PHF21A: variants seen among roughly 807,000 people sequenced by gnomAD.
The protein encoded by PHF21A is PHD finger protein 21A.
PHF21A carries 11 observed loss-of-function variants against 82.5 expected under a neutral mutation model. That is an observed-to-expected ratio of 0.13 (90% confidence interval 0.08 to 0.22). PHF21A has a LOEUF of 0.22. Among genes scored for constraint, PHF21A ranks in the 10% least tolerant of loss-of-function variants. The pLI is 1.00. For synonymous variants in PHF21A, 297 were observed against 302.8 expected (o/e 0.98, Z 0.20); for missense variants, 579 against 837.8 (o/e 0.69, Z 3.81).
intron 7 of PHF21A, among the ~76,000 whole-genome samples, chr11:45,976,261 C>G (rs867263041): frequency 1.3e-5 from 2 of 152,182 alleles, no homozygotes; most frequent in Admixed American, 1.3e-4. Context: ...CAGGGCCCTG[C>G]TCAGATGCAA....
intron 6 of PHF21A, among the ~76,000 whole-genome samples, chr11:46,015,714 T>C (rs1340618864): frequency 6.6e-6 from 1 of 152,196 alleles, no homozygotes; most frequent in Non-Finnish European, 1.5e-5. Context: ...ACACACACAT[T>C]AGCCTAGGCC....
At position 46,093,358 on chromosome 11, in the gene PHF21A, CA is replaced by C. The variant is rs567029604; in HGVS notation, c.-236-1136del. ...TATTTCAAAAGAGCTTCATGTCTCC[CA>C]GATTGTAAATCTTTGTTTAACCATG... On this transcript the variant is annotated intron_variant, in intron 1 of 18. Coordinates refer to ENST00000676320, the MANE Select transcript of PHF21A (RefSeq NM_001352027.3). Among the ~76,000 whole-genome samples, 469 of 152,282 alleles carry C rather than the reference CA, an allele frequency of 3.1e-3. 4 individuals carry two copies. Among genetic ancestry groups the C allele is most frequent in the Non-Finnish European group, 4.8e-3 (325 of 68,020 alleles).
chr11:45,938,252 C>T lies in PHF21A; in HGVS notation c.1513G>A (p.Asp505Asn), dbSNP rs1259186557. 6.2e-7 allele frequency: 1 copy of T among 1,611,486 alleles called. No homozygotes were observed. Among genetic ancestry groups the T allele is most frequent in the Non-Finnish European group, 8.5e-7 (1 of 1,178,720 alleles). The change falls in exon 16 of 19, where the codon GAC becomes AAC. Residue 505 changes from aspartate to asparagine, a missense_variant. Asp to Asn is a conservative substitution (Grantham distance 23). This residue lies in a region of PHF21A where 410 missense variants were observed against 642.1 expected (regional missense o/e 0.64). Transcript: ENST00000676320. Reference sequence around the variant, plus strand: ...AAATGATATACACGGGAACATGTGTCGCACATCAGTAACTGGCCACTTTTT... The same window carrying T: ...AAATGATATACACGGGAACATGTGTTGCACATCAGTAACTGGCCACTTTTT... ...CRKSGQLLMCDTCSRVYHLDC... is the reference protein window; with the variant it reads ...CRKSGQLLMCNTCSRVYHLDC...
chr11:46,012,346 T>C (rs1048982877), intron 6 of PHF21A, among the ~76,000 whole-genome samples: 1 of 152,216 alleles, frequency 6.6e-6, no homozygotes, highest in African/African-American at 2.4e-5. Context: ...AGCTCCTTCT[T>C]AGACCCTTTT....
intron 3 of PHF21A, among the ~76,000 whole-genome samples, chr11:46,085,007 A>G (rs1443242937): frequency 6.6e-6 from 1 of 151,556 alleles, no homozygotes; most frequent in East Asian, 1.9e-4. Flanking sequence ...AACTTCACAC[A>G]GAGTGGACTG....
Position 46,023,015 on chromosome 11 carries a change from C to T in PHF21A, c.154-43049G>A, listed in dbSNP as rs566598645. The stretch of plus-strand genomic sequence containing the variant: ...ATCTGTCTGCCTTGGCCTCCCAAAG[C>T]GCTGAGATTATGGGCATGAGCCACC... On this transcript the variant is annotated intron_variant, in intron 6 of 18. Coordinates refer to ENST00000676320, the MANE Select transcript of PHF21A (RefSeq NM_001352027.3). 5.9e-5 allele frequency among the ~76,000 whole-genome samples: 9 copies of T among 152,034 alleles called. No individual in the cohort carries two copies. In the East Asian group the frequency reaches 7.7e-4, roughly 13 times the overall value.
intron 10 of PHF21A, among the ~76,000 whole-genome samples, chr11:45,959,749 G>C (rs1345693535): frequency 6.6e-6 from 1 of 152,184 alleles, no homozygotes; most frequent in African/African-American, 2.4e-5. Context: ...TATCAAGAAA[G>C]CAAAAAGGCA....
At chr11:45,998,081 G>T (rs893239592) in intron 6 of PHF21A, among the ~76,000 whole-genome samples, 1 of 152,136 alleles carries the variant, frequency 6.6e-6, no homozygotes, top group African/African-American at 2.4e-5. Flanking sequence ...ACTGTGGAGA[G>T]AGGCTAAAAA....
rs532114653 is a variant in PHF21A, at chr11:46,091,848, C to T, written c.-196+335G>A. ...AGCTATAGGCACACACCCACTGGGC[C>T]TGGCTGGGAATCTGAACTTTTGAAT... On this transcript the variant is annotated intron_variant, in intron 2 of 18. Transcript: ENST00000676320. 3.9e-5 allele frequency among the ~76,000 whole-genome samples: 6 copies of T among 152,126 alleles called. No homozygotes were observed. The South Asian group carries it at 1.0e-3, about 26-fold the overall frequency.
Position 45,933,498 on chromosome 11 carries a change from A to C in PHF21A, c.*470T>G, listed in dbSNP as rs899231531. The C allele has an allele frequency of 1.9e-5, 3 of 154,034 alleles. No individual in the cohort carries two copies. Among genetic ancestry groups the C allele is most frequent in the African/African-American group, 7.2e-5 (3 of 41,484 alleles). The allele number at this position is 154,034 out of a possible 1,614,324, so 9.5% of individuals were successfully genotyped here. Reference sequence around the variant, plus strand: ...TCCTTTTTTTGGTTTTATAGTAGCGAAAGTTTAGAAACAGGAAAGCCCACA... The same window carrying C: ...TCCTTTTTTTGGTTTTATAGTAGCGCAAGTTTAGAAACAGGAAAGCCCACA... On this transcript the variant is annotated 3_prime_UTR_variant, in exon 19 of 19. Coordinates refer to ENST00000676320, the MANE Select transcript of PHF21A (RefSeq NM_001352027.3).
chr11:45,940,735 C>T (rs1249376821), intron 15 of PHF21A, among the ~76,000 whole-genome samples: 1 of 152,102 alleles, frequency 6.6e-6, no homozygotes, highest in South Asian at 2.1e-4. Flanking sequence ...GGTGAGTCTG[C>T]GTCTTTAGAA....
At chr11:46,035,205 C>A (rs1035737315) in intron 6 of PHF21A, among the ~76,000 whole-genome samples, 1 of 152,192 alleles carries the variant, frequency 6.6e-6, no homozygotes, top group African/African-American at 2.4e-5. Flanking sequence ...CTAGGAGCCT[C>A]ACTTGATATT....
intron 4 of PHF21A, among the ~76,000 whole-genome samples, chr11:46,081,626 T>C (rs914637223): frequency 1.3e-5 from 2 of 152,260 alleles, no homozygotes; most frequent in Non-Finnish European, 2.9e-5. Flanking sequence ...GCCAACTTAC[T>C]GGACCATCCA....
At chr11:46,035,057 T>G (rs1199555268) in intron 6 of PHF21A, among the ~76,000 whole-genome samples, 2 of 152,218 alleles carry the variant, frequency 1.3e-5, no homozygotes. Context: ...GTTTGCTGCT[T>G]CTTGCATTCC....
chr11:45,975,227 T>C (rs2093967585), intron 7 of PHF21A, among the ~76,000 whole-genome samples: 1 of 151,902 alleles, frequency 6.6e-6, no homozygotes, highest in Admixed American at 6.6e-5. Flanking sequence ...GGTGGAAGGA[T>C]CACCTAAGCC....
chr11:46,020,249 T>C (rs2095602456), intron 6 of PHF21A, among the ~76,000 whole-genome samples: 1 of 152,202 alleles, frequency 6.6e-6, no homozygotes, highest in Admixed American at 6.5e-5. Context: ...TTCTCAGACA[T>C]GGCATTTCAT....
At chr11:46,056,217 T>C (rs1318417676) in intron 6 of PHF21A, among the ~76,000 whole-genome samples, 1 of 152,144 alleles carries the variant, frequency 6.6e-6, no homozygotes, top group Non-Finnish European at 1.5e-5. Context: ...AGATAGCAAT[T>C]TAGCAATTTT....
At chr11:45,967,056 A>T (rs938639592) in intron 9 of PHF21A, among the ~76,000 whole-genome samples, 8 of 152,150 alleles carry the variant, frequency 5.3e-5, no homozygotes, top group African/African-American at 1.7e-4. Context: ...TTACCAGGCA[A>T]CACTGCTTAT....
chr11:45,999,350 T>C (rs924093211), intron 6 of PHF21A, among the ~76,000 whole-genome samples: 4 of 152,206 alleles, frequency 2.6e-5, no homozygotes, highest in African/African-American at 9.7e-5. Flanking sequence ...AATTATTACT[T>C]TGCAGAAATG....
Sources: allele counts gnomAD v4.1 joint callset (sites outside exome capture counted in the v4.1 genomes callset), GRCh38; gene constraint gnomAD v4.1.1; regional missense constraint gnomAD v4.1.1; transcripts MANE v1.5; gene names NCBI Gene and HGNC (gene_info 2026-07-23, HGNC 2026-07-21).